Variants in CCDC69 observed in about 807,000 individuals in gnomAD.
The protein encoded by CCDC69 is coiled-coil domain containing 69, also known as coiled-coil domain-containing protein 69.
In CCDC69, 38 loss-of-function variants were observed where a neutral mutation model predicts 40.3. The ratio of observed to expected loss-of-function variants is 0.94; its 90% CI spans 0.73 to 1.24. The LOEUF is 1.24. CCDC69 is among the 50% of genes most tolerant of loss of function. The probability of loss-of-function intolerance (pLI) is 0.00; values close to 1 mark genes in which losing one functional copy is unlikely to be tolerated. For missense variants in CCDC69, 389 were observed against 357.9 expected (o/e 1.09, Z -0.70); for synonymous variants, 141 against 138.9 (o/e 1.02, Z -0.11).
chr5:151,217,325 T>G (rs903764319), intron 1 of CCDC69, among the ~76,000 whole-genome samples: 3 of 152,200 alleles, frequency 2.0e-5, no homozygotes, highest in Admixed American at 2.0e-4. Flanking sequence ...TTGTTTACAG[T>G]GCTGCCTCTT....
Position 151,217,565 on chromosome 5 carries a change from C to T in CCDC69, c.48+6358G>A, listed in dbSNP as rs565703088. ...AGAAGTGTAAATTCAAGGTATCAGC[C>T]GAGCTGGCTCTTCTGGAGGCTCTGA... On this transcript the variant is annotated intron_variant, in intron 1 of 8. Transcript: ENST00000355417. 6.6e-5 allele frequency among the ~76,000 whole-genome samples: 10 copies of T among 152,290 alleles called. No individual in the cohort carries two copies. The South Asian group carries it at 8.3e-4, about 13-fold the overall frequency.
At chr5:151,184,550 T>C (rs1269503441) in intron 7 of CCDC69, 109 bp from the exon 8 acceptor site, 2 of 658,642 alleles carry the variant, frequency 3.0e-6, no homozygotes, top group Non-Finnish European at 2.7e-6. Flanking sequence ...CATTCTAGAC[T>C]AGATGTTACA....
chr5:151,183,420 G>A lies in CCDC69; in HGVS notation c.*17C>T, dbSNP rs769385655. 24 of 1,593,786 alleles carry A rather than the reference G, an allele frequency of 1.5e-5. No homozygotes were observed. The highest frequency in any genetic ancestry group is 2.0e-5 in the Non-Finnish European group (24 of 1,171,898). The stretch of plus-strand genomic sequence containing the variant: ...AGCTGTGACTTCAGGCGTCGTGGTG[G>A]GCCCAGGCCCTGCACCCTATGTGGC... On this transcript the variant is annotated 3_prime_UTR_variant, in exon 9 of 9. Coordinates refer to ENST00000355417, the MANE Select transcript of CCDC69 (RefSeq NM_015621.3).
chr5:151,194,317 G>A (rs1457873663), intron 4 of CCDC69, among the ~76,000 whole-genome samples: 1 of 152,150 alleles, frequency 6.6e-6, no homozygotes, highest in South Asian at 2.1e-4. Flanking sequence ...GTAAACAATG[G>A]AATATAACTC....
At position 151,183,611 on chromosome 5, in the gene CCDC69, C is replaced by G. The variant is rs370683418; in HGVS notation, c.717G>C (p.Gln239His). The G allele has an allele frequency of 3.1e-6, 5 of 1,607,300 alleles. No homozygotes were observed. Among genetic ancestry groups the G allele is most frequent in the Non-Finnish European group, 4.2e-6 (5 of 1,176,706 alleles). ...GCGTGAGAAGCAGGTCTTCTGACAGCTGCCTGTGGATGCACACAGAGCCCA... is the reference window on the plus strand; with the variant it reads ...GCGTGAGAAGCAGGTCTTCTGACAGGTGCCTGTGGATGCACACAGAGCCCA... ...RSRNQVVLSR[Q>H]LSEDLLLTRE... The change falls in exon 9 of 9, where the codon CAG becomes CAC. Residue 239 changes from glutamine (Q) to histidine (H), a missense_variant. Gln to His is a conservative substitution (Grantham distance 24). Transcript: ENST00000355417.
Position 151,191,442 on chromosome 5 carries a change from T to A in CCDC69, c.320-3983A>T, listed in dbSNP as rs568873018. ...AATACACATTCCTTTCAAGTATACA[T>A]GAAACAAGATCGACCATACCCTGAG... On this transcript the variant is annotated intron_variant, in intron 4 of 8. Transcript: ENST00000355417. 2.0e-5 allele frequency among the ~76,000 whole-genome samples: 3 copies of A among 152,292 alleles called. No individual in the cohort carries two copies. In the East Asian group the frequency reaches 5.8e-4, roughly 29 times the overall value.
chr5:151,212,654 T>C, intron 1 of CCDC69: 1 of 397,210 alleles, frequency 2.5e-6, no homozygotes. Context: ...CGACAGGATG[T>C]AGGAGGTGGC....
intron 2 of CCDC69, among the ~76,000 whole-genome samples, chr5:151,203,333 C>T (rs1393928951): frequency 6.6e-6 from 1 of 151,298 alleles, no homozygotes; most frequent in Non-Finnish European, 1.5e-5. Flanking sequence ...ATGGTGAAGC[C>T]CCGTCTCTAC....
At chr5:151,186,253 T>C in intron 5 of CCDC69, 129 bp from the exon 6 acceptor site, 1 of 699,954 alleles carries the variant, frequency 1.4e-6, no homozygotes, top group South Asian at 1.6e-5. Flanking sequence ...TACATGACAA[T>C]GCAACATCAA....
intron 1 of CCDC69, among the ~76,000 whole-genome samples, chr5:151,212,442 C>A (rs970883056): frequency 6.6e-6 from 1 of 152,110 alleles, no homozygotes; most frequent in Non-Finnish European, 1.5e-5. Flanking sequence ...CAGACCAGAG[C>A]CCTGCAGTAG....
intron 2 of CCDC69, among the ~76,000 whole-genome samples, chr5:151,204,894 C>T (rs1021072263): frequency 7.9e-5 from 12 of 151,898 alleles, no homozygotes; most frequent in Admixed American, 3.3e-4. Flanking sequence ...TTTAGGGGTA[C>T]GCATGCAGAT....
At chr5:151,207,761 G>A (rs935267093) in intron 1 of CCDC69, among the ~76,000 whole-genome samples, 1 of 152,118 alleles carries the variant, frequency 6.6e-6, no homozygotes, top group Non-Finnish European at 1.5e-5. Flanking sequence ...TGCTGGAGAG[G>A]TGAAAAGTTG....
Position 151,205,434 on chromosome 5 carries a change from C to A in CCDC69, c.90G>T (p.Glu30Asp), listed in dbSNP as rs1411713762. The A allele has an allele frequency of 3.1e-6, 5 of 1,614,146 alleles. No individual in the cohort carries two copies. Among genetic ancestry groups the A allele is most frequent in the Non-Finnish European group, 4.2e-6 (5 of 1,180,012 alleles). Reference protein sequence around the residue: ...EPEPEQPPRPEPHELGPLNGD... With the variant: ...EPEPEQPPRPDPHELGPLNGD... ...CATTGAGGGGACCTAATTCATGGGG[C>A]TCTGGTCTGGGTGGCTGTTCTGGTT... is the stretch of plus-strand genomic sequence containing the variant. The change falls in exon 2 of 9, where the codon GAG becomes GAT. Residue 30 changes from glutamate (E) to aspartate (D), a missense_variant. Transcript: ENST00000355417.
chr5:151,204,146 C>T (rs1027800638), intron 2 of CCDC69, among the ~76,000 whole-genome samples: 1 of 151,886 alleles, frequency 6.6e-6, no homozygotes, highest in African/African-American at 2.4e-5. Flanking sequence ...CCTCCCTCTT[C>T]AGCTTCCCAA....
At chr5:151,205,204 G>C (rs1313207591) in intron 2 of CCDC69, among the ~76,000 whole-genome samples, 196 bp downstream of exon 2, 1 of 152,116 alleles carries the variant, frequency 6.6e-6, no homozygotes, top group Non-Finnish European at 1.5e-5. Flanking sequence ...CACTCTAGGT[G>C]TGGTATCAAC....
chr5:151,216,205 C>T (rs1198263886), intron 1 of CCDC69, among the ~76,000 whole-genome samples: 1 of 152,048 alleles, frequency 6.6e-6, no homozygotes, highest in Non-Finnish European at 1.5e-5. Context: ...GTGATCTGCC[C>T]GCCTTAGCCT....
intron 1 of CCDC69, among the ~76,000 whole-genome samples, chr5:151,214,955 C>T (rs1753015846): frequency 6.6e-6 from 1 of 152,212 alleles, no homozygotes; most frequent in Non-Finnish European, 1.5e-5. Context: ...TATTTTCTTC[C>T]TCCCTAGGGC....
rs1351404832 is a variant in CCDC69 at position 151,205,357 on chromosome 5, C to A, written c.124+43G>T. On this transcript the variant is annotated intron_variant, in intron 2 of 8. Transcript: ENST00000355417. ...TCTGTGTTGATTATAAGGTAGGAAC[C>A]TCACAGATGGCAGTTGGGGCCTTTG... The A allele has an allele frequency of 2.7e-6, 4 of 1,454,662 alleles. No homozygotes were observed. The African/African-American group carries it at 5.6e-5, about 20-fold the overall frequency. The allele number at this position is 1,454,662 out of a possible 1,614,324, so 90.1% of individuals were successfully genotyped here. A position where few individuals can be genotyped will look rare whatever the true frequency, so the allele number is the denominator to read the frequency against.
chr5:151,210,415 G>A (rs1001752420), intron 1 of CCDC69, among the ~76,000 whole-genome samples: 4 of 152,096 alleles, frequency 2.6e-5, no homozygotes, highest in Non-Finnish European at 5.9e-5. Context: ...GTAGTGGCAT[G>A]CGCCTCTAAC....
Sources: allele counts gnomAD v4.1 joint callset (sites outside exome capture counted in the v4.1 genomes callset), GRCh38; gene constraint gnomAD v4.1.1; transcripts MANE v1.5; gene names NCBI Gene and HGNC (gene_info 2026-07-23, HGNC 2026-07-21).